The following EXT1 variants were observed in gnomAD, a reference collection of about 807,000 sequenced individuals.
EXT1 encodes the protein exostosin-1.
In EXT1, 20 loss-of-function variants were observed where a neutral mutation model predicts 82.5. The ratio of observed to expected loss-of-function variants is 0.24; its 90% CI spans 0.17 to 0.35. The LOEUF (loss-of-function observed/expected upper bound fraction) is 0.35, where lower values mean the gene tolerates loss of function less well. Ranked by LOEUF, EXT1 falls within the 10% of genes least tolerant of loss-of-function variation. EXT1 has a pLI of 1.00. For synonymous variants in EXT1, 348 were observed against 350.8 expected (o/e 0.99, Z 0.09); for missense variants, 757 against 936.5 (o/e 0.81, Z 2.50).
chr8:118,028,841 G>A (rs745673219), intron 1 of EXT1, among the ~76,000 whole-genome samples: 24 of 152,104 alleles, frequency 1.6e-4, no homozygotes, highest in Non-Finnish European at 2.6e-4. Context: ...AGAATCGCTT[G>A]AACCTGGGAG....
chr8:118,053,118 C>G (rs1236862142), intron 1 of EXT1, among the ~76,000 whole-genome samples: 1 of 152,224 alleles, frequency 6.6e-6, no homozygotes, highest in African/African-American at 2.4e-5. Context: ...ATCTCCTAAG[C>G]AGCTTCTAAA....
chr8:118,088,815 A>C (rs1158542756), intron 1 of EXT1, among the ~76,000 whole-genome samples: 2 of 152,148 alleles, frequency 1.3e-5, no homozygotes, highest in Non-Finnish European at 2.9e-5. Context: ...ACTAGTGCCA[A>C]GAGAGAAAAT....
At chr8:118,060,012 C>T (rs2129940698) in intron 1 of EXT1, among the ~76,000 whole-genome samples, 1 of 152,338 alleles carries the variant, frequency 6.6e-6, no homozygotes, top group East Asian at 1.9e-4. Context: ...CTTAGAACCA[C>T]ACTGAACCTC....
chr8:117,832,292 G>A (rs931204460), intron 3 of EXT1, among the ~76,000 whole-genome samples: 5 of 152,134 alleles, frequency 3.3e-5, no homozygotes, highest in Non-Finnish European at 7.4e-5. Flanking sequence ...TTGGGAGGCC[G>A]AGGCAGGCGG....
At chr8:117,913,215 C>T (rs1222050717) in intron 1 of EXT1, among the ~76,000 whole-genome samples, 1 of 152,106 alleles carries the variant, frequency 6.6e-6, no homozygotes, top group Non-Finnish European at 1.5e-5. Flanking sequence ...GAAAGAGACT[C>T]CATTTTTTTT....
intron 1 of EXT1, among the ~76,000 whole-genome samples, chr8:117,991,166 A>G (rs1815425362): frequency 6.6e-6 from 1 of 151,558 alleles, no homozygotes; most frequent in South Asian, 2.1e-4. Context: ...GATGGAGTAC[A>G]GTGGCGCAAT....
intron 1 of EXT1, among the ~76,000 whole-genome samples, chr8:117,948,629 G>A (rs1381966240): frequency 6.6e-6 from 1 of 152,176 alleles, no homozygotes; most frequent in African/African-American, 2.4e-5. Context: ...CATTTTCACT[G>A]AATGCATAAA....
chr8:118,012,795 C>T (rs1305664758), intron 1 of EXT1, among the ~76,000 whole-genome samples: 4 of 152,102 alleles, frequency 2.6e-5, no homozygotes, highest in African/African-American at 7.2e-5. Flanking sequence ...ATTTTTCTCA[C>T]AAAAAAGACC....
At chr8:118,027,853 T>A (rs531339457) in intron 1 of EXT1, among the ~76,000 whole-genome samples, 109 of 152,166 alleles carry the variant, frequency 7.2e-4, no homozygotes, top group Non-Finnish European at 1.1e-3. Flanking sequence ...CCTTCCTGGT[T>A]GCCTTGGGAA....
chr8:117,992,053 C>T (rs13260665), intron 1 of EXT1, among the ~76,000 whole-genome samples: 113,990 of 152,072 alleles, frequency 0.75, 44,127 homozygotes, highest in African/African-American at 0.94. Context: ...TTATTCCTGA[C>T]CAGAAAGAAA....
rs369235843 is a variant in EXT1, at chr8:117,819,737, G to A, written c.1475C>T (p.Ser492Phe). Residue 492 changes from serine to phenylalanine, a missense_variant, in exon 6 of 11, where the codon TCT (serine) becomes TTT (phenylalanine). Physicochemically the swap from Ser to Phe is radical, Grantham distance 155. This residue lies in a region of EXT1 where 207 missense variants were observed against 224.2 expected (regional missense o/e 0.92). Transcript: ENST00000378204. Reference sequence around the variant, plus strand: ...AAGCTTCAACACTGGCTGGGACTGAGAGACCAGGGGGGTCACCGCATGGAT... The same window carrying A: ...AAGCTTCAACACTGGCTGGGACTGAAAGACCAGGGGGGTCACCGCATGGAT... ...AVIHAVTPLVSQSQPVLKLLV... is the reference protein window; with the variant it reads ...AVIHAVTPLVFQSQPVLKLLV... 28 of 1,613,266 alleles carry A rather than the reference G, an allele frequency of 1.7e-5. No homozygotes were observed. Among genetic ancestry groups the A allele is most frequent in the Non-Finnish European group, 2.3e-5 (27 of 1,180,046 alleles).
chr8:118,070,841 C>T (rs1396769584), intron 1 of EXT1, among the ~76,000 whole-genome samples: 2 of 152,054 alleles, frequency 1.3e-5, no homozygotes, highest in Non-Finnish European at 2.9e-5. Context: ...GAAAAGGGAT[C>T]TCAAGAGGTA....
intron 8 of EXT1, among the ~76,000 whole-genome samples, chr8:117,811,742 G>A (rs896159613): frequency 2.6e-4 from 39 of 151,778 alleles, no homozygotes; most frequent in East Asian, 9.7e-4. Context: ...TCAGCTTCCC[G>A]AGTAGCTGAG....
chr8:117,807,166 C>T, intron 9 of EXT1, 51 bp downstream of exon 9: 1 of 1,608,166 alleles, frequency 6.2e-7, no homozygotes, highest in Non-Finnish European at 8.5e-7. Flanking sequence ...ATGCAGCAGC[C>T]AATATAAAAA....
intron 1 of EXT1, among the ~76,000 whole-genome samples, chr8:118,109,483 C>T (rs1378424054): frequency 6.6e-6 from 1 of 151,648 alleles, no homozygotes; most frequent in East Asian, 1.9e-4. Flanking sequence ...ACAGGCCCAA[C>T]AAGTTTACAG....
At chr8:118,061,134 A>C (rs1816874304) in intron 1 of EXT1, among the ~76,000 whole-genome samples, 1 of 152,194 alleles carries the variant, frequency 6.6e-6, no homozygotes, top group African/African-American at 2.4e-5. Context: ...TTCTCATCTA[A>C]AATCCATCCT....
intron 1 of EXT1, among the ~76,000 whole-genome samples, chr8:118,028,815 G>A (rs1020821833): frequency 6.6e-6 from 1 of 151,922 alleles, no homozygotes; most frequent in African/African-American, 2.4e-5. Flanking sequence ...CCAGCTACTC[G>A]GAAGGCTGAG....
Position 118,040,082 on chromosome 8 carries a change from T to C in EXT1, c.962+70003A>G, listed in dbSNP as rs573740295. Among the ~76,000 whole-genome samples, 7 of 152,334 alleles carry C rather than the reference T, an allele frequency of 4.6e-5. No individual in the cohort carries two copies. The South Asian group carries it at 1.4e-3, about 32-fold the overall frequency. On this transcript the variant is annotated intron_variant, in intron 1 of 10. Transcript: ENST00000378204. ...ATGAGAAGCAGAAAGGCCCAGTGTTTGACCTCTGGAACTTTCCTTCTCATT... is the reference window on the plus strand; with the variant it reads ...ATGAGAAGCAGAAAGGCCCAGTGTTCGACCTCTGGAACTTTCCTTCTCATT...
intron 1 of EXT1, among the ~76,000 whole-genome samples, chr8:118,024,153 C>T (rs1045705812): frequency 6.6e-6 from 1 of 152,130 alleles, no homozygotes; most frequent in Non-Finnish European, 1.5e-5. Flanking sequence ...AAATAAACCA[C>T]GGTAGAAACA....
Sources: gnomAD v4.1 joint callset for allele counts (sites outside exome capture counted in the v4.1 genomes callset) on GRCh38, gnomAD v4.1.1 for gene constraint, gnomAD v4.1.1 regional missense constraint, MANE v1.5 for transcripts, NCBI Gene and HGNC (gene_info 2026-07-23, HGNC 2026-07-21) for gene names.